The following OOSP4B variants were observed in gnomAD, a reference collection of about 807,000 sequenced individuals.
The protein encoded by OOSP4B is oocyte-secreted protein 4B.
At chr11:60,025,407 A>G (rs1854738208) in intron 3 of OOSP4B, among the ~76,000 whole-genome samples, 1 of 152,240 alleles carries the variant, frequency 6.6e-6, no homozygotes, top group Non-Finnish European at 1.5e-5. Flanking sequence ...TTTATGTTTA[A>G]CATAAAACCC....
intron 1 of OOSP4B, among the ~76,000 whole-genome samples, chr11:60,018,885 A>T (rs1396703085): frequency 1.3e-5 from 2 of 152,166 alleles, no homozygotes; most frequent in Admixed American, 6.5e-5. Flanking sequence ...ACATTAGACG[A>T]ATCTAGGGAA....
At chr11:60,028,430 T>C (rs1854768475) in intron 3 of OOSP4B, among the ~76,000 whole-genome samples, 1 of 152,146 alleles carries the variant, frequency 6.6e-6, no homozygotes, top group Non-Finnish European at 1.5e-5. Context: ...CCTCCCAAAG[T>C]GGTAGGATTA....
chr11:60,019,753 G>A (rs1382310701), intron 1 of OOSP4B, among the ~76,000 whole-genome samples: 1 of 152,196 alleles, frequency 6.6e-6, no homozygotes, highest in African/African-American at 2.4e-5. Context: ...AAAAGCCAAA[G>A]AATAAAGCTT....
At chr11:60,030,563 T>G (rs1480935026) in intron 4 of OOSP4B, among the ~76,000 whole-genome samples, 1 of 152,208 alleles carries the variant, frequency 6.6e-6, no homozygotes, top group Non-Finnish European at 1.5e-5. Context: ...TACTTGATAG[T>G]CTCAGAAAGG....
At chr11:60,030,756 G>T (rs542101453) in intron 4 of OOSP4B, 46 bp from the exon 5 acceptor site, 3 of 398,012 alleles carry the variant, frequency 7.5e-6, no homozygotes, top group Non-Finnish European at 1.3e-5. Context: ...TTTAGGTAAG[G>T]TTATATTTAA....
intron 3 of OOSP4B, among the ~76,000 whole-genome samples, chr11:60,028,260 G>A (rs1854766268): frequency 1.3e-5 from 2 of 151,582 alleles, no homozygotes; most frequent in South Asian, 4.2e-4. Context: ...CCGCTTCCTG[G>A]GTTCAAGCGA....
rs574095603 is a variant in OOSP4B, at chr11:60,019,210, G to T, written c.22+1797G>T. On this transcript the variant is annotated intron_variant, in intron 1 of 4. Coordinates refer to ENST00000642343, the Ensembl canonical transcript of OOSP4B. ...TGCACTCAAGCCTGGGCGACAGAGC[G>T]AGACTCTTTCTCAGAAAAAAAATAA... is the stretch of plus-strand genomic sequence containing the variant. 4.0e-5 allele frequency among the ~76,000 whole-genome samples: 6 copies of T among 151,700 alleles called. No individual in the cohort carries two copies. In the South Asian group the frequency reaches 6.2e-4, roughly 16 times the overall value.
intron 1 of OOSP4B, chr11:60,021,492 A>G (rs1429794176): frequency 6.6e-6 from 1 of 152,236 alleles, no homozygotes; most frequent in Non-Finnish European, 1.5e-5. Flanking sequence ...GACAAAGAAG[A>G]CACTGTTTAG....
chr11:60,023,530 G>A (rs935171048), intron 1 of OOSP4B, among the ~76,000 whole-genome samples: 2 of 152,126 alleles, frequency 1.3e-5, no homozygotes, highest in Admixed American at 1.3e-4. Context: ...TGCCTCCTGG[G>A]CTCAAGCAAT....
At chr11:60,027,687 C>T (rs1196174965) in intron 3 of OOSP4B, among the ~76,000 whole-genome samples, 1 of 89,816 alleles carries the variant, frequency 1.1e-5, no homozygotes, top group Non-Finnish European at 2.4e-5. Flanking sequence ...AAAAGATGAT[C>T]CCAGCACTTT....
chr11:60,026,397 C>T (rs757341225), intron 3 of OOSP4B, among the ~76,000 whole-genome samples: 3 of 152,196 alleles, frequency 2.0e-5, no homozygotes, highest in Non-Finnish European at 2.9e-5. Context: ...AAATTTCTTT[C>T]ATCCTTGAAT....
chr11:60,023,000 C>T (rs546260939), intron 1 of OOSP4B, among the ~76,000 whole-genome samples: 2 of 152,240 alleles, frequency 1.3e-5, no homozygotes, highest in African/African-American at 4.8e-5. Flanking sequence ...TATATAAAGA[C>T]CATTAAATTG....
chr11:60,024,219 G>A (rs1854722664), intron 2 of OOSP4B, among the ~76,000 whole-genome samples, 158 bp downstream of exon 2: 1 of 152,034 alleles, frequency 6.6e-6, no homozygotes, highest in Non-Finnish European at 1.5e-5. Flanking sequence ...CTACTTAATT[G>A]GGACATTTCA....
chr11:60,025,133 A>C (rs962476105), intron 3 of OOSP4B, 128 bp downstream of exon 3: 2 of 392,370 alleles, frequency 5.1e-6, no homozygotes, highest in Non-Finnish European at 9.0e-6. Context: ...AAGTTTCTCT[A>C]ACTCTAAGGA....
chr11:60,023,547 A>G (rs745630756), intron 1 of OOSP4B, among the ~76,000 whole-genome samples: 6 of 152,022 alleles, frequency 3.9e-5, no homozygotes, highest in Non-Finnish European at 7.4e-5. Context: ...CAATTCTCCC[A>G]CCTCAGTCTC....
chr11:60,023,576 A>G (rs150273238), intron 1 of OOSP4B, among the ~76,000 whole-genome samples: 2,516 of 152,238 alleles, frequency 0.017, 73 homozygotes, highest in African/African-American at 0.057. Flanking sequence ...CTGGGATTAC[A>G]GGGGCACGCC....
rs184955451 is a variant in OOSP4B at position 60,018,493 on chromosome 11, G to A, written c.22+1080G>A. ...AAACCCAGCCTTGTGTTTTATTTTAGCTTAGAAGCACTTTAAGGCACATAT... is the reference window on the plus strand; with the variant it reads ...AAACCCAGCCTTGTGTTTTATTTTAACTTAGAAGCACTTTAAGGCACATAT... On this transcript the variant is annotated intron_variant, in intron 1 of 4. Coordinates refer to ENST00000642343, the Ensembl canonical transcript of OOSP4B. Among the ~76,000 whole-genome samples the A allele has an allele frequency of 3.9e-5, 6 of 152,242 alleles. No homozygotes were observed. In the Middle Eastern group the frequency reaches 0.014, roughly 345 times the overall value.
chr11:60,029,277 T>C (rs1406879998), intron 3 of OOSP4B, among the ~76,000 whole-genome samples: 1 of 152,152 alleles, frequency 6.6e-6, no homozygotes, highest in Admixed American at 6.5e-5. Flanking sequence ...GAATAAACAC[T>C]ACAACTCCTA....
At chr11:60,020,201 G>A (rs914248245) in intron 1 of OOSP4B, among the ~76,000 whole-genome samples, 1 of 152,238 alleles carries the variant, frequency 6.6e-6, no homozygotes, top group Non-Finnish European at 1.5e-5. Flanking sequence ...TTCACCCAGT[G>A]GATCCCATAC....
Sources: allele counts gnomAD v4.1 joint callset (sites outside exome capture counted in the v4.1 genomes callset), GRCh38; gene constraint gnomAD v4.1.1; transcripts MANE v1.5; gene names NCBI Gene and HGNC (gene_info 2026-07-23, HGNC 2026-07-21).